Variants in ULK3 observed in about 807,000 individuals in gnomAD.
The protein encoded by ULK3 is unc-51 like kinase 3, also known as serine/threonine-protein kinase ULK3.
In ULK3, 54 loss-of-function variants were observed where a neutral mutation model predicts 69.4. The ratio of observed to expected loss-of-function variants is 0.78; its 90% CI spans 0.63 to 0.98. The LOEUF (loss-of-function observed/expected upper bound fraction) is 0.98. Ranked by LOEUF, ULK3 falls within the 50% of genes least tolerant of loss-of-function variation. ULK3 has a pLI of 0.00. For missense variants in ULK3, 558 were observed against 627.7 expected (o/e 0.89, Z 1.19); for synonymous variants, 240 against 254.5 (o/e 0.94, Z 0.54).
At position 74,841,487 on chromosome 15, in the gene ULK3, A is replaced by G. The variant is rs751874021; in HGVS notation, c.387T>C (p.His129=). Residue 129 remains histidine (H), a synonymous_variant, in exon 4 of 16, where the codon CAT becomes CAC. Transcript: ENST00000440863. ...GATCCAGGTGAGAGATATTCCGTTC[A>G]TGCAGGAATTGCAGGGCGCTAGCTG... The part of the protein sequence containing the change: ...QQLASALQFL[H]ERNISHLDLK... 9 of 1,613,804 alleles carry G rather than the reference A, an allele frequency of 5.6e-6. No individual in the cohort carries two copies. Among genetic ancestry groups the G allele is most frequent in the African/African-American group, 1.3e-5 (1 of 74,914 alleles).
At chr15:74,837,277 C>A in intron 15 of ULK3, 33 bp from the exon 16 acceptor site, 1 of 1,605,786 alleles carries the variant, frequency 6.2e-7, no homozygotes, top group Non-Finnish European at 8.5e-7. Flanking sequence ...GGGGGAGGGT[C>A]AGTCTCAGGT....
chr15:74,839,916 G>A (rs1200173516), intron 6 of ULK3, among the ~76,000 whole-genome samples: 1 of 152,148 alleles, frequency 6.6e-6, no homozygotes, highest in African/African-American at 2.4e-5. Context: ...CCTCGCTGGA[G>A]CCCTGAGCTG....
chr15:74,837,606 G>C, intron 14 of ULK3, 145 bp downstream of exon 14: 2 of 1,353,384 alleles, frequency 1.5e-6, no homozygotes, highest in Non-Finnish European at 2.1e-6. Flanking sequence ...GAGCAAGAGA[G>C]AGAGTGAAGG....
rs551040399 is a variant in ULK3 at position 74,842,649 on chromosome 15, G to A, written c.103-229C>T. 5 of 1,536,110 alleles carry A rather than the reference G, an allele frequency of 3.3e-6. No individual in the cohort carries two copies. Among genetic ancestry groups the A allele is most frequent in the African/African-American group, 1.4e-5 (1 of 73,024 alleles). On this transcript the variant is annotated intron_variant, in intron 1 of 15. Transcript: ENST00000440863. This position sits in a 1 kb window ranked among gnomAD's most constrained non-coding sequence, Gnocchi z 4.9. ...CTCAGCCTGGTCTTCTCCAACCCTC[G>A]GCTAGCTGATCCATTTCTTTGCATT...
At position 74,843,018 on chromosome 15, in the gene ULK3, T is replaced by C; in HGVS notation, c.88A>G (p.Lys30Glu). The C allele has an allele frequency of 1.3e-6, 2 of 1,541,666 alleles. No individual in the cohort carries two copies. Among genetic ancestry groups the C allele is most frequent in the Non-Finnish European group, 1.7e-6 (2 of 1,143,068 alleles). Residue 30 changes from lysine to glutamate, a missense_variant, in exon 1 of 16, where the codon AAG (lysine) becomes GAG (glutamate). Physicochemically the swap from Lys to Glu is moderately conservative, Grantham distance 56. Coordinates refer to ENST00000440863, the MANE Select transcript of ULK3 (RefSeq NM_001099436.4). ...CCGGCACCCACCTTGGCGTAGGCCTTGTACACCGTGGCGTACGTGCCGCTG... is the reference window on the plus strand; with the variant it reads ...CCGGCACCCACCTTGGCGTAGGCCTCGTACACCGTGGCGTACGTGCCGCTG... ...LGSGTYATVY[K>E]AYAKKDTREV... is the part of the protein sequence containing the mutation.
At position 74,840,584 on chromosome 15, in the gene ULK3, G is replaced by C; in HGVS notation, c.527C>G (p.Ser176Cys). The C allele has an allele frequency of 6.2e-7, 1 of 1,607,310 alleles. No homozygotes were observed. Among genetic ancestry groups the C allele is most frequent in the East Asian group, 2.2e-5 (1 of 44,828 alleles). ...CATCTCGGGGGCCATGTAGAGGGGGGAGCCACGGAGCACGTGCTTCTCATC... is the reference window on the plus strand; with the variant it reads ...CATCTCGGGGGCCATGTAGAGGGGGCAGCCACGGAGCACGTGCTTCTCATC... ...PWDEKHVLRGSPLYMAPEMVC... is the reference protein window; with the variant it reads ...PWDEKHVLRGCPLYMAPEMVC... The change falls in exon 5 of 16, where the codon TCC (serine) becomes TGC (cysteine). Residue 176 changes from serine to cysteine, a missense_variant. Physicochemically the swap from Ser to Cys is moderately radical, Grantham distance 112. Coordinates refer to ENST00000440863, the MANE Select transcript of ULK3 (RefSeq NM_001099436.4).
chr15:74,837,621 A>T (rs2064067814), intron 14 of ULK3, 130 bp downstream of exon 14: 1 of 1,359,628 alleles, frequency 7.4e-7, no homozygotes, highest in African/African-American at 1.4e-5. Context: ...TGAAGGGCAG[A>T]TACAGGGACA....
chr15:74,839,408 C>G (rs1235915084), intron 7 of ULK3, 35 bp from the exon 8 acceptor site: 5 of 1,549,616 alleles, frequency 3.2e-6, no homozygotes, highest in Non-Finnish European at 4.4e-6. Context: ...AGGTCCACCT[C>G]CCTACCCTCC....
rs963103523 is a variant in ULK3, at chr15:74,843,115, C to T, written c.-10G>A. On this transcript the variant is annotated 5_prime_UTR_variant, in exon 1 of 16. Coordinates refer to ENST00000440863, the MANE Select transcript of ULK3 (RefSeq NM_001099436.4). Reference sequence around the variant, plus strand: ...AGCCGGGCCCCGCCATTCCGGCCGCCTGCGCCCGCGCGGGCGCTTCCTCGC... The same window carrying T: ...AGCCGGGCCCCGCCATTCCGGCCGCTTGCGCCCGCGCGGGCGCTTCCTCGC... 1.6e-6 allele frequency: 2 copies of T among 1,278,196 alleles called. No homozygotes were observed. The highest frequency in any genetic ancestry group is 4.2e-5 in the Admixed American group (1 of 23,946). The allele number at this position is 1,278,196 out of a possible 1,614,324, so 79.2% of individuals were successfully genotyped here. A position where few individuals can be genotyped will look rare whatever the true frequency, so the allele number is the denominator to read the frequency against.
rs551757357 is a variant in ULK3, at chr15:74,842,907, T to A, written c.102+97A>T. ...TGGGGCGAGGCCGGCCTCCCGCCCC[T>A]AACTATTCCCACACTGTCGCTAACC... On this transcript the variant is annotated intron_variant, in intron 1 of 15. Coordinates refer to ENST00000440863, the MANE Select transcript of ULK3 (RefSeq NM_001099436.4). The surrounding 1 kb of genome is among the most constrained non-coding windows in gnomAD (Gnocchi z 4.9). 3,844 of 1,401,746 alleles carry A rather than the reference T, an allele frequency of 2.7e-3. 7 individuals carry two copies. Among genetic ancestry groups the A allele is most frequent in the Non-Finnish European group, 3.5e-3 (3,597 of 1,042,516 alleles). The allele number at this position is 1,401,746 out of a possible 1,614,324, so 86.8% of individuals were successfully genotyped here.
intron 4 of ULK3, 122 bp from the exon 5 acceptor site, chr15:74,840,763 G>A (rs2064218114): frequency 7.6e-7 from 1 of 1,317,072 alleles, no homozygotes; most frequent in Non-Finnish European, 1.0e-6. Context: ...CTATTTCCAA[G>A]CCTCTGCTCA....
At position 74,840,546 on chromosome 15, in the gene ULK3, G is replaced by A; in HGVS notation, c.565C>T (p.Gln189Ter). Reference sequence around the variant, plus strand: ...CAGAGGTCCACGCGGGCGTCATACTGCCGCTGGCACACCATCTCGGGGGCC... The same window carrying A: ...CAGAGGTCCACGCGGGCGTCATACTACCGCTGGCACACCATCTCGGGGGCC... Reference protein sequence around the residue: ...YMAPEMVCQRQYDARVDLWSM... With the variant: ...YMAPEMVCQR The change falls in exon 5 of 16, where the codon CAG (glutamine) becomes TAG (stop). Residue 189 changes from glutamine to a stop codon, truncating the protein, a stop_gained. Transcript: ENST00000440863. LOFTEE classifies it high-confidence loss of function. 3.7e-6 allele frequency: 6 copies of A among 1,610,762 alleles called. No individual in the cohort carries two copies. Among genetic ancestry groups the A allele is most frequent in the Non-Finnish European group, 5.1e-6 (6 of 1,178,998 alleles).
Position 74,840,626 on chromosome 15 carries a change from T to G in ULK3, c.485A>C (p.Gln162Pro). ...HLKLADFGFA[Q>P]HMSPWDEKHV... ...CTTCTCATCCCACGGGGACATGTGT[T>G]GTGCGAAACCAAAGTCTGCAGGCAA... Residue 162 changes from glutamine (Q) to proline (P), a missense_variant, in exon 5 of 16, where the codon CAA becomes CCA. Coordinates refer to ENST00000440863, the MANE Select transcript of ULK3 (RefSeq NM_001099436.4). The G allele has an allele frequency of 9.5e-6, 15 of 1,574,298 alleles. No homozygotes were observed. The highest frequency in any genetic ancestry group is 1.3e-5 in the Non-Finnish European group (15 of 1,162,702).
At chr15:74,840,789 A>C (rs1596401383) in intron 4 of ULK3, 148 bp from the exon 5 acceptor site, 2 of 1,078,166 alleles carry the variant, frequency 1.9e-6, no homozygotes, top group Non-Finnish European at 2.6e-6. Context: ...AGGCTGGAAC[A>C]CCCTCCTATA....
In ULK3 at chr15:74,842,238, T is replaced by C. The variant is rs1380556075; in HGVS notation, c.243+42A>G. The stretch of plus-strand genomic sequence containing the variant: ...GAGGCGGCCTGAAGAGAGTGTCCCT[T>C]CTCCAGCTCCCTTTGGCAGCGGCCC... On this transcript the variant is annotated intron_variant, in intron 2 of 15. Transcript: ENST00000440863. This position sits in a 1 kb window ranked among gnomAD's most constrained non-coding sequence, Gnocchi z 4.9. 1.9e-6 allele frequency: 3 copies of C among 1,613,754 alleles called. No individual in the cohort carries two copies. The highest frequency in any genetic ancestry group is 2.5e-6 in the Non-Finnish European group (3 of 1,179,816).
Position 74,842,574 on chromosome 15 carries a change from T to C in ULK3, c.103-154A>G. 1 of 1,573,500 alleles carries C rather than the reference T, an allele frequency of 6.4e-7. No homozygotes were observed. The highest frequency in any genetic ancestry group is 1.1e-5 in the South Asian group (1 of 88,650). ...CACCGGGCTTCCCAGCTTTCCCTTG[T>C]GAGGCCAGTGAGGAATGCTGATTCT... On this transcript the variant is annotated intron_variant, in intron 1 of 15. Coordinates refer to ENST00000440863, the MANE Select transcript of ULK3 (RefSeq NM_001099436.4). The surrounding 1 kb of genome is among the most constrained non-coding windows in gnomAD (Gnocchi z 4.9).
At position 74,837,196 on chromosome 15, in the gene ULK3, T is replaced by G; in HGVS notation, c.*32A>C. 1.3e-6 allele frequency: 2 copies of G among 1,532,186 alleles called. No homozygotes were observed. The highest frequency in any genetic ancestry group is 1.8e-6 in the Non-Finnish European group (2 of 1,138,938). 94.9% of individuals were successfully genotyped at this position (1,532,186 alleles called of 1,614,324 possible). A position where few individuals can be genotyped will look rare whatever the true frequency, so the allele number is the denominator to read the frequency against. ...TGGGTTAGTGCCCCTCTGCTCCAGA[T>G]GGCTCACATCTGTCCAATCATTCTT... is the stretch of plus-strand genomic sequence containing the variant. On this transcript the variant is annotated 3_prime_UTR_variant, in exon 16 of 16. Transcript: ENST00000440863.
Position 74,837,224 on chromosome 15 carries a change from AGG to A in ULK3, c.*2_*3del. 1 of 1,561,712 alleles carries A rather than the reference AGG, an allele frequency of 6.4e-7. No homozygotes were observed. The highest frequency in any genetic ancestry group is 1.2e-5 in the South Asian group (1 of 81,918). ...CTCACATCTGTCCAATCATTCTTCT[AGG>A]GTCACTGAAGGGTGCAAGCTACGGG... On this transcript the variant is annotated 3_prime_UTR_variant, in exon 16 of 16. Coordinates refer to ENST00000440863, the MANE Select transcript of ULK3 (RefSeq NM_001099436.4).
Position 74,837,171 on chromosome 15 carries a change from TG to T in ULK3, c.*56del. 2 of 1,515,950 alleles carry T rather than the reference TG, an allele frequency of 1.3e-6. No individual in the cohort carries two copies. Among genetic ancestry groups the T allele is most frequent in the Non-Finnish European group, 1.8e-6 (2 of 1,132,172 alleles). The allele number at this position is 1,515,950 out of a possible 1,614,324, so 93.9% of individuals were successfully genotyped here. A position where few individuals can be genotyped will look rare whatever the true frequency, so the allele number is the denominator to read the frequency against. ...GGCCACTTCATTCTTGGCGTCAGCCTGGGTTAGTGCCCCTCTGCTCCAGATG... is the reference window on the plus strand; with the variant it reads ...GGCCACTTCATTCTTGGCGTCAGCCTGGTTAGTGCCCCTCTGCTCCAGATG... On this transcript the variant is annotated 3_prime_UTR_variant, in exon 16 of 16. Coordinates refer to ENST00000440863, the MANE Select transcript of ULK3 (RefSeq NM_001099436.4).
Sources: gnomAD v4.1 joint callset for allele counts (sites outside exome capture counted in the v4.1 genomes callset) on GRCh38, gnomAD v4.1.1 for gene constraint, Gnocchi (gnomAD v3.1) non-coding constraint, MANE v1.5 for transcripts, NCBI Gene and HGNC (gene_info 2026-07-23, HGNC 2026-07-21) for gene names.